Variants in TRIM71 observed in about 807,000 individuals in gnomAD.
The protein encoded by TRIM71 is E3 ubiquitin-protein ligase TRIM71.
A neutral mutation model predicts 61.2 loss-of-function variants in TRIM71; 9 were observed. The observed-to-expected ratio is 0.15, with a 90% CI of 0.09 to 0.26. The LOEUF is 0.26. Ranked by LOEUF, TRIM71 falls within the 10% of genes least tolerant of loss-of-function variation. The pLI is 1.00. For missense variants in TRIM71, 998 were observed against 1,238.7 expected (o/e 0.81, Z 2.92); for synonymous variants, 645 against 553.2 (o/e 1.17, Z -2.33).
intron 1 of TRIM71, among the ~76,000 whole-genome samples, chr3:32,869,178 G>A (rs1418884348): frequency 6.6e-6 from 1 of 152,142 alleles, no homozygotes; most frequent in African/African-American, 2.4e-5. Flanking sequence ...ACCTGTTGTT[G>A]CCTCCACTTT....
intron 1 of TRIM71, among the ~76,000 whole-genome samples, chr3:32,831,515 T>G (rs1696270379): frequency 1.3e-5 from 2 of 150,746 alleles, no homozygotes; most frequent in Admixed American, 1.3e-4. Flanking sequence ...TTCATGAAAT[T>G]AAATAATGTT....
At chr3:32,838,090 C>T (rs1696355903) in intron 1 of TRIM71, among the ~76,000 whole-genome samples, 1 of 152,182 alleles carries the variant, frequency 6.6e-6, no homozygotes, top group East Asian at 1.9e-4. Flanking sequence ...AAGCAATAAA[C>T]AGGGCTTGCC....
At chr3:32,837,229 A>G (rs1353257520) in intron 1 of TRIM71, among the ~76,000 whole-genome samples, 1 of 152,186 alleles carries the variant, frequency 6.6e-6, no homozygotes, top group Admixed American at 6.5e-5. Context: ...TCGTGTAAGC[A>G]TTGATATAAA....
intron 1 of TRIM71, among the ~76,000 whole-genome samples, chr3:32,866,317 C>T (rs1020237290): frequency 4.6e-5 from 7 of 151,846 alleles, no homozygotes; most frequent in Non-Finnish European, 8.8e-5. Context: ...GGCGTGATCT[C>T]GCCTCACTGC....
chr3:32,822,575 A>G (rs1696147198), intron 1 of TRIM71, among the ~76,000 whole-genome samples: 1 of 152,192 alleles, frequency 6.6e-6, no homozygotes, highest in Non-Finnish European at 1.5e-5. Context: ...ACCTGTATTC[A>G]GCACCAGTGT....
chr3:32,855,178 C>T (rs1247432057), intron 1 of TRIM71, among the ~76,000 whole-genome samples: 2 of 152,058 alleles, frequency 1.3e-5, no homozygotes, highest in African/African-American at 2.4e-5. Flanking sequence ...GGGTCTTGGA[C>T]GTATCCCCCA....
Position 32,819,028 on chromosome 3 carries a change from C to T in TRIM71, c.852+96C>T, listed in dbSNP as rs141054501. 1.1e-3 allele frequency: 1,579 copies of T among 1,384,444 alleles called. 3 individuals are homozygous for T. The highest frequency in any genetic ancestry group is 1.5e-3 in the Non-Finnish European group (1,522 of 999,162). The allele number at this position is 1,384,444 out of a possible 1,614,324, so 85.8% of individuals were successfully genotyped here. On this transcript the variant is annotated intron_variant, in intron 1 of 3. Transcript: ENST00000383763. ...GGTCCCACAGCGAGGGGAGGAGGCCCTCTCCGGATTTGGTTTGTATTTCCT... is the reference window on the plus strand; with the variant it reads ...GGTCCCACAGCGAGGGGAGGAGGCCTTCTCCGGATTTGGTTTGTATTTCCT...
chr3:32,891,770 G>C lies in TRIM71; in HGVS notation c.2566G>C (p.Val856Leu), dbSNP rs778838272. 6.2e-7 allele frequency: 1 copy of C among 1,614,044 alleles called. No homozygotes were observed. The highest frequency in any genetic ancestry group is 8.5e-7 in the Non-Finnish European group (1 of 1,180,036). ...CGCCATCACCCCCGACGGAATGATC[G>C]TTGTGGTGGACTTTGGCAACAATCG... ...GIAITPDGMI[V>L]VVDFGNNRIL... The change falls in exon 4 of 4, where the codon GTT becomes CTT. Residue 856 changes from valine to leucine, a missense_variant. Physicochemically the swap from Val to Leu is conservative, Grantham distance 32. Around this residue, in one of 5 missense-constraint regions of TRIM71, gnomAD observed 95 missense variants for 159.0 expected, o/e 0.60. Transcript: ENST00000383763. The surrounding 1 kb of genome is among the most constrained non-coding windows in gnomAD (Gnocchi z 8.2).
intron 1 of TRIM71, among the ~76,000 whole-genome samples, chr3:32,848,445 C>G (rs1256477406): frequency 6.6e-6 from 1 of 152,194 alleles, no homozygotes; most frequent in African/African-American, 2.4e-5. Context: ...CCCCTCTTCC[C>G]TGGAGGGGTG....
In TRIM71 at chr3:32,829,662, G is replaced by A. The variant is rs139230866; in HGVS notation, c.852+10730G>A. Among the ~76,000 whole-genome samples the A allele has an allele frequency of 6.8e-4, 102 of 149,954 alleles. 2 individuals carry two copies. The East Asian group carries it at 0.015, about 23-fold the overall frequency. Reference sequence around the variant, plus strand: ...TGTGTGTGTGTGTGTTTGTGTGTGCGTGTGTGTGCATTGGAGGAGGCATCT... The same window carrying A: ...TGTGTGTGTGTGTGTTTGTGTGTGCATGTGTGTGCATTGGAGGAGGCATCT... On this transcript the variant is annotated intron_variant, in intron 1 of 3. Transcript: ENST00000383763.
rs1437255736 is a variant in TRIM71, at chr3:32,895,180, T to G, written c.*3369T>G. 1 of 152,228 alleles carries G rather than the reference T, an allele frequency of 6.6e-6. No individual in the cohort carries two copies. Among genetic ancestry groups the G allele is most frequent in the African/African-American group, 2.4e-5 (1 of 41,468 alleles). 9.4% of individuals were successfully genotyped at this position (152,228 alleles called of 1,614,324 possible). A position where few individuals can be genotyped will look rare whatever the true frequency, so the allele number is the denominator to read the frequency against. Reference sequence around the variant, plus strand: ...TAATGCTGTCTCAGAACATGTGCCCTGTTGTGGCTGCAAGTGGCACTCAAG... The same window carrying G: ...TAATGCTGTCTCAGAACATGTGCCCGGTTGTGGCTGCAAGTGGCACTCAAG... On this transcript the variant is annotated 3_prime_UTR_variant, in exon 4 of 4. Transcript: ENST00000383763.
At chr3:32,851,579 A>G (rs1696538644) in intron 1 of TRIM71, among the ~76,000 whole-genome samples, 1 of 152,128 alleles carries the variant, frequency 6.6e-6, no homozygotes, top group African/African-American at 2.4e-5. Flanking sequence ...CCCAGGTTCA[A>G]GCGATTTTCC....
intron 1 of TRIM71, among the ~76,000 whole-genome samples, chr3:32,829,151 GC>G (rs1385162817): frequency 6.6e-6 from 1 of 151,128 alleles, no homozygotes; most frequent in African/African-American, 2.4e-5. Flanking sequence ...GCACCGCCAT[GC>G]CTGGATAATT....
At position 32,892,611 on chromosome 3, in the gene TRIM71, A is replaced by G. The variant is rs1697039080; in HGVS notation, c.*800A>G. The G allele has an allele frequency of 6.6e-6, 1 of 152,210 alleles. No individual in the cohort carries two copies. Among genetic ancestry groups the G allele is most frequent in the South Asian group, 2.1e-4 (1 of 4,826 alleles). The allele number at this position is 152,210 out of a possible 1,614,324, so 9.4% of individuals were successfully genotyped here. On this transcript the variant is annotated 3_prime_UTR_variant, in exon 4 of 4. Coordinates refer to ENST00000383763, the MANE Select transcript of TRIM71 (RefSeq NM_001039111.3). ...TTTGTTTCAAAGCCATCTTGCACCC[A>G]AGTAGTAAAGCTGAAAATGACACAC...
chr3:32,890,450 A>C lies in TRIM71; in HGVS notation c.1246A>C (p.Ser416Arg). 2 of 1,614,208 alleles carry C rather than the reference A, an allele frequency of 1.2e-6. No individual in the cohort carries two copies. The highest frequency in any genetic ancestry group is 2.2e-5 in the South Asian group (2 of 91,084). The change falls in exon 4 of 4, where the codon AGT (serine) becomes CGT (arginine). Residue 416 changes from serine to arginine, a missense_variant. This residue lies in a region of TRIM71 where 291 missense variants were observed against 431.2 expected (regional missense o/e 0.67). Transcript: ENST00000383763. This position sits in a 1 kb window ranked among gnomAD's most constrained non-coding sequence, Gnocchi z 6.2. ...CCTCAACAAGCTTGAGAGCACCATC[A>C]GTGCCGTGCAGCAGGTCCTGGAGGA... ...QNLNKLESTI[S>R]AVQQVLEEGR...
intron 1 of TRIM71, among the ~76,000 whole-genome samples, chr3:32,832,314 G>A (rs1165460153): frequency 2.6e-5 from 4 of 152,110 alleles, no homozygotes; most frequent in Non-Finnish European, 4.4e-5. Context: ...CAAATTAGCC[G>A]AGCACAGTAG....
chr3:32,861,372 TC>T (rs1361864436), intron 1 of TRIM71, among the ~76,000 whole-genome samples: 30 of 149,458 alleles, frequency 2.0e-4, no homozygotes, highest in Admixed American at 4.6e-4. Context: ...CCTCAGGTGA[TC>T]CACCTACCTT....
chr3:32,818,939 G>T lies in TRIM71; in HGVS notation c.852+7G>T. 1 of 1,610,516 alleles carries T rather than the reference G, an allele frequency of 6.2e-7. No individual in the cohort carries two copies. Among genetic ancestry groups the T allele is most frequent in the Non-Finnish European group, 8.5e-7 (1 of 1,179,294 alleles). ...CCAGCACCACGACGACGAGGTGAGTGCGTGGGGGCGTGTGTTTGTGTCCAT... is the reference window on the plus strand; with the variant it reads ...CCAGCACCACGACGACGAGGTGAGTTCGTGGGGGCGTGTGTTTGTGTCCAT... On this transcript the variant is annotated splice_region_variant and intron_variant, in intron 1 of 3. Coordinates refer to ENST00000383763, the MANE Select transcript of TRIM71 (RefSeq NM_001039111.3).
At chr3:32,842,340 A>G (rs1283735377) in intron 1 of TRIM71, among the ~76,000 whole-genome samples, 2 of 152,206 alleles carry the variant, frequency 1.3e-5, no homozygotes, top group Non-Finnish European at 2.9e-5. Context: ...TCATGACTCA[A>G]GCTTGCCTGT....
Sources: allele counts gnomAD v4.1 joint callset (sites outside exome capture counted in the v4.1 genomes callset), GRCh38; gene constraint gnomAD v4.1.1; regional missense constraint gnomAD v4.1.1; non-coding constraint Gnocchi (gnomAD v3.1); transcripts MANE v1.5; gene names NCBI Gene and HGNC (gene_info 2026-07-23, HGNC 2026-07-21).